Variants in FNTB observed in about 807,000 individuals in gnomAD.
FNTB encodes the protein protein farnesyltransferase subunit beta.
Under a neutral mutation model 59.4 loss-of-function variants are expected in FNTB, and 27 were observed. That is an observed-to-expected ratio of 0.45 (90% CI 0.34 to 0.63). The LOEUF (loss-of-function observed/expected upper bound fraction) is 0.63. Among genes scored for constraint, FNTB ranks in the 20% least tolerant of loss-of-function variants. The pLI, the probability that FNTB is intolerant of heterozygous loss-of-function variation, is 0.02. For missense variants in FNTB, 449 were observed against 559.6 expected, an observed-to-expected ratio of 0.80 and a Z score of 1.99; for synonymous variants, 230 against 220.7, an observed-to-expected ratio of 1.04 and a Z score of -0.37.
chr14:65,021,791 G>A (rs1192394626), intron 4 of FNTB, among the ~76,000 whole-genome samples: 3 of 152,162 alleles, frequency 2.0e-5, no homozygotes, highest in South Asian at 4.1e-4. Flanking sequence ...GACTACGGGC[G>A]CATGCCACTA....
At chr14:65,018,758 C>A (rs2061826934) in intron 4 of FNTB, among the ~76,000 whole-genome samples, 1 of 145,498 alleles carries the variant, frequency 6.9e-6, no homozygotes, top group African/African-American at 2.5e-5. Context: ...TGCGACGAGC[C>A]AAGATCATGC....
intron 8 of FNTB, among the ~76,000 whole-genome samples, chr14:65,042,488 T>C (rs1225330890): frequency 6.6e-6 from 1 of 152,156 alleles, no homozygotes; most frequent in Non-Finnish European, 1.5e-5. Flanking sequence ...ATGCTGCTGC[T>C]GATCTGTCAG....
At chr14:65,013,059 AG>A (rs2061708847) in intron 3 of FNTB, among the ~76,000 whole-genome samples, 3 of 152,234 alleles carry the variant, frequency 2.0e-5, no homozygotes, top group Admixed American at 6.5e-5. Context: ...GAATGTGAAC[AG>A]GAAGTCTCCA....
rs1022714550 is a variant in FNTB at position 65,012,845 on chromosome 14, A to C, written c.282+456A>C. 6.6e-6 allele frequency among the ~76,000 whole-genome samples: 1 copy of C among 152,210 alleles called. No homozygotes were observed. The highest frequency in any genetic ancestry group is 1.5e-5 in the Non-Finnish European group (1 of 68,046). On this transcript the variant is annotated intron_variant, in intron 3 of 11. Coordinates refer to ENST00000246166, the MANE Select transcript of FNTB (RefSeq NM_002028.4). This position sits in a 1 kb window ranked among gnomAD's most constrained non-coding sequence, Gnocchi z 5.0. ...CCTTCTAGTAAGTACATTACTTTTCATATCTTCATTAAAGAGACAAAAAAC... is the reference window on the plus strand; with the variant it reads ...CCTTCTAGTAAGTACATTACTTTTCCTATCTTCATTAAAGAGACAAAAAAC...
At chr14:65,021,916 G>T (rs1254737620) in intron 4 of FNTB, 1 of 455,946 alleles carries the variant, frequency 2.2e-6, no homozygotes, top group Non-Finnish European at 4.4e-6. Flanking sequence ...AAAGTGCTAG[G>T]ATTATAGGCG....
intron 1 of FNTB, among the ~76,000 whole-genome samples, chr14:64,998,081 T>C (rs543286139): frequency 1.3e-5 from 2 of 152,166 alleles, no homozygotes; most frequent in East Asian, 1.9e-4. Flanking sequence ...TTGTTAAACA[T>C]TTAAAAGGTT....
chr14:65,024,467 G>C (rs895514124), intron 4 of FNTB, among the ~76,000 whole-genome samples: 2 of 152,082 alleles, frequency 1.3e-5, no homozygotes, highest in African/African-American at 4.8e-5. Context: ...AGCAGGACTG[G>C]GTCTCTGTAT....
At position 65,014,223 on chromosome 14, in the gene FNTB, T is replaced by G. The variant is rs1035204324; in HGVS notation, c.283-1402T>G. On this transcript the variant is annotated intron_variant, in intron 3 of 11. Transcript: ENST00000246166. The surrounding 1 kb of genome is among the most constrained non-coding windows in gnomAD (Gnocchi z 5.1). The stretch of plus-strand genomic sequence containing the variant: ...ATTTATATATTTTAATTTATAAAAC[T>G]GGGGCAGTACTCCTACCTACCCTGC... Among the ~76,000 whole-genome samples, 21 of 152,226 alleles carry G rather than the reference T, an allele frequency of 1.4e-4. No homozygotes were observed. Among genetic ancestry groups the G allele is most frequent in the African/African-American group, 4.8e-4 (20 of 41,464 alleles).
Position 65,053,625 on chromosome 14 carries a change from T to TAAAAAAAAAACAAAAAA in FNTB, c.1067+276_1067+277insAAAAAAAAAACAAAAAA, listed in dbSNP as rs201558638. Among the ~76,000 whole-genome samples the TAAAAAAAAAACAAAAAA allele has an allele frequency of 3.4e-4, 50 of 146,302 alleles. 1 individual carries two copies. The highest frequency in any genetic ancestry group is 1.3e-3 in the African/African-American group (48 of 37,090). On this transcript the variant is annotated intron_variant, in intron 10 of 11. Coordinates refer to ENST00000246166, the MANE Select transcript of FNTB (RefSeq NM_002028.4). ...GCTGGGTAGATAACTCTTCTTTTTT[T>TAAAAAAAAAACAAAAAA]TAAAAAAAACAAAAAAAAACTGATC... is the stretch of plus-strand genomic sequence containing the variant.
In FNTB at chr14:65,054,718, T is replaced by C; in HGVS notation, c.1182+29T>C. 1 of 1,581,964 alleles carries C rather than the reference T, an allele frequency of 6.3e-7. No homozygotes were observed. The highest frequency in any genetic ancestry group is 8.6e-7 in the Non-Finnish European group (1 of 1,162,948). ...AGACGGGTGCAGGGCTTCACACCCC[T>C]TCTCCACAGGGACCTCGCGGACAGA... On this transcript the variant is annotated intron_variant, in intron 11 of 11. Transcript: ENST00000246166. This position sits in a 1 kb window ranked among gnomAD's most constrained non-coding sequence, Gnocchi z 4.4.
chr14:65,018,310 A>G (rs2139536223), intron 4 of FNTB, among the ~76,000 whole-genome samples: 1 of 152,356 alleles, frequency 6.6e-6, no homozygotes. Flanking sequence ...AGCCTGGGCA[A>G]CAGAGCAAGA....
chr14:65,019,313 C>T (rs756842294), intron 4 of FNTB, among the ~76,000 whole-genome samples: 1 of 151,974 alleles, frequency 6.6e-6, no homozygotes, highest in Non-Finnish European at 1.5e-5. Flanking sequence ...ATGGTGAAAC[C>T]CTGTCTCTAC....
At chr14:64,995,085 T>C (rs1888343471) in intron 1 of FNTB, among the ~76,000 whole-genome samples, 1 of 152,186 alleles carries the variant, frequency 6.6e-6, no homozygotes, top group Admixed American at 6.5e-5. Flanking sequence ...TTAAACTTCT[T>C]TGTTAAAAAC....
intron 9 of FNTB, among the ~76,000 whole-genome samples, chr14:65,049,319 C>T (rs1354098728): frequency 1.3e-5 from 2 of 152,160 alleles, no homozygotes; most frequent in Non-Finnish European, 2.9e-5. Context: ...AATTGAGCTA[C>T]AGATGGCTGC....
intron 9 of FNTB, among the ~76,000 whole-genome samples, chr14:65,045,623 AC>A: frequency 6.6e-6 from 1 of 152,164 alleles, no homozygotes; most frequent in South Asian, 2.1e-4. Flanking sequence ...ACCATGTTGG[AC>A]AGGCTGTTCT....
intron 2 of FNTB, chr14:65,006,029 C>G: frequency 9.1e-7 from 1 of 1,096,606 alleles, no homozygotes; most frequent in Non-Finnish European, 1.3e-6. Context: ...TCAGCCTTTC[C>G]TCCTTCATCA....
Position 65,023,088 on chromosome 14 carries a change from C to T in FNTB, c.375-4365C>T, listed in dbSNP as rs1595043174. On this transcript the variant is annotated intron_variant, in intron 4 of 11. Coordinates refer to ENST00000246166, the MANE Select transcript of FNTB (RefSeq NM_002028.4). The surrounding 1 kb of genome is among the most constrained non-coding windows in gnomAD (Gnocchi z 4.1). ...TGATTAATTGATTGAGACAGGGTCTCACTCTATTGTCTGGGCTGGAATGCA... is the reference window on the plus strand; with the variant it reads ...TGATTAATTGATTGAGACAGGGTCTTACTCTATTGTCTGGGCTGGAATGCA... Among the ~76,000 whole-genome samples the T allele has an allele frequency of 6.6e-6, 1 of 152,290 alleles. No individual in the cohort carries two copies. Among genetic ancestry groups the T allele is most frequent in the Non-Finnish European group, 1.5e-5 (1 of 68,024 alleles).
At position 65,031,397 on chromosome 14, in the gene FNTB, A is replaced by G. The variant is rs976130240; in HGVS notation, c.606-1213A>G. On this transcript the variant is annotated intron_variant, in intron 6 of 11. Coordinates refer to ENST00000246166, the MANE Select transcript of FNTB (RefSeq NM_002028.4). The surrounding 1 kb of genome is among the most constrained non-coding windows in gnomAD (Gnocchi z 4.6). The stretch of plus-strand genomic sequence containing the variant: ...CAGTGGCATGATCTTGGCTCACTGC[A>G]ACCCCCGCCTCCCGGGTTCAAGTGG... Among the ~76,000 whole-genome samples the G allele has an allele frequency of 2.6e-5, 4 of 151,582 alleles. 1 individual carries two copies. The South Asian group carries it at 6.2e-4, about 24-fold the overall frequency.
rs1030641582 is a variant in FNTB, at chr14:64,994,416, G to A, written c.144+7319G>A. Among the ~76,000 whole-genome samples, 7 of 152,090 alleles carry A rather than the reference G, an allele frequency of 4.6e-5. No homozygotes were observed. Among genetic ancestry groups the A allele is most frequent in the Non-Finnish European group, 7.4e-5 (5 of 68,018 alleles). On this transcript the variant is annotated intron_variant, in intron 1 of 11. Coordinates refer to ENST00000246166, the MANE Select transcript of FNTB (RefSeq NM_002028.4). This position sits in a 1 kb window ranked among gnomAD's most constrained non-coding sequence, Gnocchi z 4.2. The stretch of plus-strand genomic sequence containing the variant: ...TACATTGTCAGTAGGAAATTTCCTT[G>A]TCATGTGAACATCATAGAGTGTACT...
Sources: gnomAD v4.1 joint callset for allele counts (sites outside exome capture counted in the v4.1 genomes callset) on GRCh38, gnomAD v4.1.1 for gene constraint, Gnocchi (gnomAD v3.1) non-coding constraint, MANE v1.5 for transcripts, NCBI Gene and HGNC (gene_info 2026-07-23, HGNC 2026-07-21) for gene names.